The following FHIT variants were observed in gnomAD, a reference collection of about 807,000 sequenced individuals.
FHIT encodes the protein bis(5'-adenosyl)-triphosphatase.
Under a neutral mutation model 17.9 loss-of-function variants are expected in FHIT, and 19 were observed. The observed-to-expected ratio is 1.06, with a 90% CI of 0.74 to 1.56. The LOEUF is 1.56. FHIT is among the 40% of genes most tolerant of loss of function. The pLI is 0.00. For missense variants in FHIT, 248 were observed against 189.2 expected (o/e 1.31, Z -1.82); for synonymous variants, 81 against 69.7 (o/e 1.16, Z -0.81).
At chr3:61,054,778 C>A (rs1431433018) in intron 2 of FHIT, among the ~76,000 whole-genome samples, 1 of 152,142 alleles carries the variant, frequency 6.6e-6, no homozygotes, top group Non-Finnish European at 1.5e-5. Context: ...CTAAGAATGA[C>A]CTGTTGGCCC....
intron 3 of FHIT, among the ~76,000 whole-genome samples, chr3:61,022,463 T>A (rs1278990503): frequency 6.6e-6 from 1 of 151,822 alleles, no homozygotes. Context: ...AAACAATAAA[T>A]AGAAAAAGAG....
intron 5 of FHIT, among the ~76,000 whole-genome samples, chr3:60,051,645 T>C (rs139063307): frequency 1.3e-5 from 2 of 152,186 alleles, no homozygotes; most frequent in African/African-American, 2.4e-5. Context: ...TCTATATCTG[T>C]AGTGCATTAA....
At chr3:60,713,964 G>A (rs562758590) in intron 4 of FHIT, among the ~76,000 whole-genome samples, 4 of 151,692 alleles carry the variant, frequency 2.6e-5, no homozygotes, top group African/African-American at 9.7e-5. Flanking sequence ...ACCAAAGCCT[G>A]GCAGAGACAC....
At chr3:61,144,815 T>A (rs1027422531) in intron 2 of FHIT, among the ~76,000 whole-genome samples, 2 of 152,222 alleles carry the variant, frequency 1.3e-5, no homozygotes, top group Non-Finnish European at 2.9e-5. Flanking sequence ...ACTAAGCATC[T>A]CTTCGTGTGC....
chr3:60,041,088 T>G (rs1701419066), intron 5 of FHIT, among the ~76,000 whole-genome samples: 1 of 152,242 alleles, frequency 6.6e-6, no homozygotes, highest in African/African-American at 2.4e-5. Context: ...GCATTTAAAA[T>G]TAAGTAATAA....
chr3:59,787,466 A>C (rs1699354471), intron 8 of FHIT, among the ~76,000 whole-genome samples: 1 of 148,020 alleles, frequency 6.8e-6, no homozygotes, highest in Non-Finnish European at 1.5e-5. Context: ...TGCATACCAG[A>C]AGCACAAGGG....
At chr3:61,047,157 A>G (rs2033829760) in intron 2 of FHIT, among the ~76,000 whole-genome samples, 2 of 152,192 alleles carry the variant, frequency 1.3e-5, no homozygotes, top group South Asian at 4.1e-4. Context: ...AAAGAAATAA[A>G]GGGTATTCAA....
intron 5 of FHIT, among the ~76,000 whole-genome samples, chr3:60,450,628 G>C (rs1272575334): frequency 6.6e-6 from 1 of 152,186 alleles, no homozygotes; most frequent in Non-Finnish European, 1.5e-5. Context: ...GTCAGCTACA[G>C]AAGTGGGTTC....
chr3:60,192,216 A>G (rs1276953473), intron 5 of FHIT, among the ~76,000 whole-genome samples: 1 of 146,932 alleles, frequency 6.8e-6, no homozygotes, highest in East Asian at 2.0e-4. Flanking sequence ...ACGTCACTGC[A>G]CTCCAGCCTG....
intron 4 of FHIT, among the ~76,000 whole-genome samples, chr3:60,595,924 C>A (rs1553666281): frequency 6.6e-6 from 1 of 151,944 alleles, no homozygotes; most frequent in Non-Finnish European, 1.5e-5. Context: ...CATGCCTGGT[C>A]CCATAATATA....
intron 4 of FHIT, among the ~76,000 whole-genome samples, chr3:60,640,083 C>G (rs1276306884): frequency 6.6e-6 from 1 of 152,114 alleles, no homozygotes; most frequent in Non-Finnish European, 1.5e-5. Flanking sequence ...TGCAAAATCA[C>G]CGCTAGTGAC....
At position 60,683,449 on chromosome 3, in the gene FHIT, C is replaced by T. The variant is rs147359398; in HGVS notation, c.-18+138470G>A. 2.7e-4 allele frequency among the ~76,000 whole-genome samples: 41 copies of T among 152,256 alleles called. 1 individual carries two copies. The highest frequency in any genetic ancestry group is 9.4e-4 in the African/African-American group (39 of 41,556). On this transcript the variant is annotated intron_variant, in intron 4 of 9. Coordinates refer to ENST00000492590, the MANE Select transcript of FHIT (RefSeq NM_002012.4). ...TAAATATCAAGGCAAGACCCTCCAC[C>T]AGCAGAAAGATTATGACTTACTGAA...
intron 5 of FHIT, among the ~76,000 whole-genome samples, chr3:60,371,277 A>G (rs1261654687): frequency 6.6e-6 from 1 of 152,188 alleles, no homozygotes; most frequent in Non-Finnish European, 1.5e-5. Flanking sequence ...GCAATAAATC[A>G]GTGTAAATGT....
At chr3:60,300,166 A>G (rs144839184) in intron 5 of FHIT, among the ~76,000 whole-genome samples, 291 of 152,230 alleles carry the variant, frequency 1.9e-3, no homozygotes, top group Middle Eastern at 6.8e-3. Context: ...TGTCTTATAT[A>G]CAATATTCAG....
chr3:60,663,676 C>G (rs2040315727), intron 4 of FHIT, among the ~76,000 whole-genome samples: 1 of 152,082 alleles, frequency 6.6e-6, no homozygotes, highest in Non-Finnish European at 1.5e-5. Flanking sequence ...ACCTCAGCCT[C>G]TCAAAGTGCA....
chr3:59,756,509 A>T lies in FHIT; in HGVS notation c.349-4188T>A, dbSNP rs1320005104. 2.0e-5 allele frequency among the ~76,000 whole-genome samples: 3 copies of T among 152,304 alleles called. No homozygotes were observed. The East Asian group carries it at 5.8e-4, about 29-fold the overall frequency. On this transcript the variant is annotated intron_variant, in intron 8 of 9. Coordinates refer to ENST00000492590, the MANE Select transcript of FHIT (RefSeq NM_002012.4). ...AAACAAAAATACAAGACACTCAGTG[A>T]CTTGTTTTAGGATAAGGATGTCTCA...
Position 60,710,729 on chromosome 3 carries a change from C to T in FHIT, c.-18+111190G>A, listed in dbSNP as rs551820163. On this transcript the variant is annotated intron_variant, in intron 4 of 9. Coordinates refer to ENST00000492590, the MANE Select transcript of FHIT (RefSeq NM_002012.4). ...GCAGCGAGGCTGGGGAAGGGGCGAC[C>T]GCCATTGCCCAGGCTCACTTAGGTA... is the stretch of plus-strand genomic sequence containing the variant. Among the ~76,000 whole-genome samples, 185 of 152,304 alleles carry T rather than the reference C, an allele frequency of 1.2e-3. 1 individual carries two copies. The highest frequency in any genetic ancestry group is 4.1e-3 in the African/African-American group (169 of 41,582).
intron 7 of FHIT, among the ~76,000 whole-genome samples, chr3:59,948,303 G>A (rs1706929552): frequency 7.0e-6 from 1 of 143,430 alleles, no homozygotes; most frequent in Admixed American, 7.3e-5. Flanking sequence ...AGGACATCGA[G>A]ACCATCCTGG....
intron 3 of FHIT, among the ~76,000 whole-genome samples, chr3:60,827,393 A>G (rs1702162239): frequency 6.6e-6 from 1 of 152,242 alleles, no homozygotes; most frequent in African/African-American, 2.4e-5. Context: ...ATAGTTGCAT[A>G]TCATCCTTTT....
Sources: allele counts gnomAD v4.1 joint callset (sites outside exome capture counted in the v4.1 genomes callset), GRCh38; gene constraint gnomAD v4.1.1; transcripts MANE v1.5; gene names NCBI Gene and HGNC (gene_info 2026-07-23, HGNC 2026-07-21).